NAXD: variants seen among roughly 807,000 people sequenced by gnomAD.
NAXD encodes the protein ATP-dependent (S)-NAD(P)H-hydrate dehydratase.
In NAXD, 22 loss-of-function variants were observed where a neutral mutation model predicts 35.8. The observed-to-expected ratio is 0.62, with a 90% CI of 0.44 to 0.88. The LOEUF is 0.88. Among genes scored for constraint, NAXD ranks in the 40% least tolerant of loss-of-function variants. The pLI is 0.00. For missense variants in NAXD, 428 were observed against 437.7 expected, an observed-to-expected ratio of 0.98 and a Z score of 0.20; for synonymous variants, 189 against 177.6, an observed-to-expected ratio of 1.06 and a Z score of -0.51.
Position 110,634,762 on chromosome 13 carries a change from CTG to C in NAXD, c.585_586del (p.Tyr196Ter), listed in dbSNP as rs1285661766. 6.2e-7 allele frequency: 1 copy of C among 1,613,064 alleles called. No homozygotes were observed. The highest frequency in any genetic ancestry group is 1.1e-5 in the South Asian group (1 of 91,040). On this transcript the variant is annotated frameshift_variant, in exon 7 of 10. Transcript: ENST00000680254. LOFTEE classifies it high-confidence loss of function. Reference protein sequence around the residue: ...LTPNHVEFSRLYDAVLRGPMD... With the variant: ...LTPNHVEFSRXYDAVLRGPMD... ...TCCCAACCACGTGGAGTTCAGCAGACTGTATGACGCTGTGGTGAGTCAGTGGA... is the reference window on the plus strand; with the variant it reads ...TCCCAACCACGTGGAGTTCAGCAGACTATGACGCTGTGGTGAGTCAGTGGA...
rs555709047 is a variant in NAXD at position 110,621,767 on chromosome 13, C to T, written c.47-449C>T. Among the ~76,000 whole-genome samples the T allele has an allele frequency of 4.1e-4, 59 of 144,280 alleles. 1 individual carries two copies. The highest frequency in any genetic ancestry group is 1.7e-3 in the Admixed American group (25 of 14,464). The allele number at this position is 144,280 out of a possible 152,430, so 94.7% of individuals were successfully genotyped here. A position where few individuals can be genotyped will look rare whatever the true frequency, so the allele number is the denominator to read the frequency against. On this transcript the variant is annotated intron_variant, in intron 1 of 9. Coordinates refer to ENST00000680254, the MANE Select transcript of NAXD (RefSeq NM_001242882.2). ...TGTTCAGGCTGGGCATGGTGGTTCACGCCTGTAATCCCAGCACTTTGAGAG... is the reference window on the plus strand; with the variant it reads ...TGTTCAGGCTGGGCATGGTGGTTCATGCCTGTAATCCCAGCACTTTGAGAG...
chr13:110,617,430 G>T (rs1043001199), intron 1 of NAXD, among the ~76,000 whole-genome samples: 2 of 152,094 alleles, frequency 1.3e-5, no homozygotes, highest in Non-Finnish European at 2.9e-5. Context: ...TCAGAACTTT[G>T]ATCTTTATAT....
Position 110,639,071 on chromosome 13 carries a change from C to CT in NAXD, c.*544dup, listed in dbSNP as rs1445515264. 7.8e-6 allele frequency: 2 copies of CT among 255,514 alleles called. No homozygotes were observed. The highest frequency in any genetic ancestry group is 1.6e-5 in the Non-Finnish European group (2 of 128,040). The allele number at this position is 255,514 out of a possible 1,614,324, so 15.8% of individuals were successfully genotyped here. The stretch of plus-strand genomic sequence containing the variant: ...AAAGTGGTGACTAGCTTGGTGGTAT[C>CT]TGGCTGCTGGTGTTTGGCTTATTGA... On this transcript the variant is annotated 3_prime_UTR_variant, in exon 10 of 10. Transcript: ENST00000680254.
At chr13:110,616,721 G>A (rs993663740) in intron 1 of NAXD, among the ~76,000 whole-genome samples, 1 of 152,122 alleles carries the variant, frequency 6.6e-6, no homozygotes, top group Non-Finnish European at 1.5e-5. Flanking sequence ...TTCTCATAAG[G>A]AGAGATTGCT....
chr13:110,624,045 A>G (rs1383370758), intron 2 of NAXD, among the ~76,000 whole-genome samples, 189 bp from the exon 3 acceptor site: 1 of 150,952 alleles, frequency 6.6e-6, no homozygotes, highest in Non-Finnish European at 1.5e-5. Context: ...AACCTGGTTC[A>G]TGTTCATTGA....
rs747220934 is a variant in NAXD, at chr13:110,624,266, C to G, written c.230C>G (p.Ser77Ter). 2.5e-6 allele frequency: 4 copies of G among 1,607,326 alleles called. No homozygotes were observed. The highest frequency in any genetic ancestry group is 3.4e-6 in the Non-Finnish European group (4 of 1,174,592). ...GGAGCCCCATATTTTGCAGCAATCTCAGCTCTCAAAGTGGTATGTTTACTT... is the reference window on the plus strand; with the variant it reads ...GGAGCCCCATATTTTGCAGCAATCTGAGCTCTCAAAGTGGTATGTTTACTT... ...YTGAPYFAAI[S>*]ALKVGADLSH... Residue 77 changes from serine to a stop codon, truncating the protein, a stop_gained, in exon 3 of 10, where the codon TCA becomes TGA. Coordinates refer to ENST00000680254, the MANE Select transcript of NAXD (RefSeq NM_001242882.2). LOFTEE classifies it high-confidence loss of function.
At chr13:110,615,914 A>T in intron 1 of NAXD, 1 of 655,210 alleles carries the variant, frequency 1.5e-6, no homozygotes, top group Non-Finnish European at 2.2e-6. Flanking sequence ...CGGCGCGGCG[A>T]CGGCTGGGCG....
At chr13:110,622,169 C>T in intron 1 of NAXD, 47 bp from the exon 2 acceptor site, 1 of 1,539,628 alleles carries the variant, frequency 6.5e-7, no homozygotes, top group Non-Finnish European at 8.8e-7. Context: ...TGTGTACTAA[C>T]AATATCTGTT....
At chr13:110,631,176 C>A (rs1044587408) in intron 5 of NAXD, among the ~76,000 whole-genome samples, 2 of 152,220 alleles carry the variant, frequency 1.3e-5, no homozygotes, top group African/African-American at 4.8e-5. Context: ...TGCACCTGTC[C>A]TCACACTGTG....
rs538841238 is a variant in NAXD, at chr13:110,633,281, T to G, written c.442-1264T>G. 1.2e-3 allele frequency among the ~76,000 whole-genome samples: 184 copies of G among 152,142 alleles called. 1 individual carries two copies. The highest frequency in any genetic ancestry group is 4.3e-3 in the African/African-American group (177 of 41,500). ...TGCAGCCGCTGGCCCGGGTGCTAAG[T>G]CCCTCATTGCCCCGGGCCAGCAGGG... On this transcript the variant is annotated intron_variant, in intron 5 of 9. Transcript: ENST00000680254.
intron 3 of NAXD, 113 bp downstream of exon 3, chr13:110,624,392 A>G (rs1886381964): frequency 2.8e-6 from 2 of 706,342 alleles, no homozygotes; most frequent in African/African-American, 1.8e-5. Flanking sequence ...TCTTAGGGTA[A>G]TCATAGCTAA....
chr13:110,630,797 C>T (rs995854243), intron 5 of NAXD, among the ~76,000 whole-genome samples: 4 of 152,260 alleles, frequency 2.6e-5, no homozygotes, highest in African/African-American at 9.6e-5. Flanking sequence ...ACTTGTCATC[C>T]TCCCTGACAA....
intron 1 of NAXD, among the ~76,000 whole-genome samples, chr13:110,619,966 T>C (rs1238314632): frequency 6.6e-6 from 1 of 151,932 alleles, no homozygotes; most frequent in African/African-American, 2.4e-5. Context: ...GCCCAACTAA[T>C]TTTTGTATTT....
intron 2 of NAXD, among the ~76,000 whole-genome samples, 200 bp from the exon 3 acceptor site, chr13:110,624,034 G>A (rs1886365879): frequency 6.6e-6 from 1 of 150,696 alleles, no homozygotes; most frequent in African/African-American, 2.4e-5. Flanking sequence ...ATTTCTAGTC[G>A]AACCTGGTTC....
At position 110,637,093 on chromosome 13, in the gene NAXD, C is replaced by T. The variant is rs1886953340; in HGVS notation, c.719-36C>T. 4 of 1,582,816 alleles carry T rather than the reference C, an allele frequency of 2.5e-6. No individual in the cohort carries two copies. The Admixed American group carries it at 5.7e-5, about 23-fold the overall frequency. Reference sequence around the variant, plus strand: ...CTACTGTCACATTCACACACATGGCCATGCTGACACCTGCTCTCACTTCTG... The same window carrying T: ...CTACTGTCACATTCACACACATGGCTATGCTGACACCTGCTCTCACTTCTG... On this transcript the variant is annotated intron_variant, in intron 8 of 9. Transcript: ENST00000680254.
chr13:110,630,263 A>G (rs1463393968), intron 5 of NAXD, among the ~76,000 whole-genome samples: 1 of 152,076 alleles, frequency 6.6e-6, no homozygotes, highest in Non-Finnish European at 1.5e-5. Flanking sequence ...TCCTGACCTT[A>G]GGTATCCGCC....
At position 110,627,481 on chromosome 13, in the gene NAXD, C is replaced by T. The variant is rs1946632131; in HGVS notation, c.375C>T (p.Pro125=). 4 of 1,614,074 alleles carry T rather than the reference C, an allele frequency of 2.5e-6. No homozygotes were observed. The highest frequency in any genetic ancestry group is 1.7e-6 in the Non-Finnish European group (2 of 1,180,002). ...TTCATGAGGTGGAGAAGTGGCTGCC[C>T]CGGCTGCATGCTCTTGTCGTAGGAC... ...NAVHEVEKWL[P]RLHALVVGPG... The change falls in exon 5 of 10, where the codon CCC becomes CCT. Residue 125 remains proline (P), a synonymous_variant. Coordinates refer to ENST00000680254, the MANE Select transcript of NAXD (RefSeq NM_001242882.2).
intron 9 of NAXD, 77 bp downstream of exon 9, chr13:110,637,326 A>G (rs1346515100): frequency 2.6e-6 from 4 of 1,532,876 alleles, no homozygotes; most frequent in Admixed American, 1.7e-5. Flanking sequence ...CATGCGTTGA[A>G]TAAGTAGCCC....
In NAXD at chr13:110,628,185, T is replaced by C. The variant is rs563445688; in HGVS notation, c.441+638T>C. On this transcript the variant is annotated intron_variant, in intron 5 of 9. Coordinates refer to ENST00000680254, the MANE Select transcript of NAXD (RefSeq NM_001242882.2). The surrounding 1 kb of genome is among the most constrained non-coding windows in gnomAD (Gnocchi z 4.1). ...AAAAGATGGGGATGGCTGCCAGCTC[T>C]GTGTTCCCTGCGTCCTCTGACGCTC... Among the ~76,000 whole-genome samples the C allele has an allele frequency of 2.0e-5, 3 of 152,322 alleles. No individual in the cohort carries two copies. The highest frequency in any genetic ancestry group is 1.3e-4 in the Admixed American group (2 of 15,308).
Sources: gnomAD v4.1 joint callset for allele counts (sites outside exome capture counted in the v4.1 genomes callset) on GRCh38, gnomAD v4.1.1 for gene constraint, Gnocchi (gnomAD v3.1) non-coding constraint, MANE v1.5 for transcripts, NCBI Gene and HGNC (gene_info 2026-07-23, HGNC 2026-07-21) for gene names.